The following CIB4 variants were observed in gnomAD, a reference collection of about 807,000 sequenced individuals.
CIB4 encodes calcium and integrin binding family member 4, also known as calcium and integrin-binding family member 4.
Under a neutral mutation model 25.8 loss-of-function variants are expected in CIB4, and 25 were observed. That is an observed-to-expected ratio of 0.97 (90% CI 0.71 to 1.35). CIB4 has a LOEUF of 1.35. Ranked by LOEUF, CIB4 falls within the 40% of genes most tolerant of loss-of-function variation. The pLI, the probability that CIB4 is intolerant of heterozygous loss-of-function variation, is 0.00. For synonymous variants in CIB4, 75 were observed against 81.4 expected, an observed-to-expected ratio of 0.92 and a Z score of 0.42; for missense variants, 235 against 228.2, an observed-to-expected ratio of 1.03 and a Z score of -0.19.
chr2:26,601,298 G>T (rs2148202721), intron 3 of CIB4, among the ~76,000 whole-genome samples: 1 of 143,812 alleles, frequency 7.0e-6, no homozygotes, highest in South Asian at 2.2e-4. Context: ...AATTAATGTG[G>T]TATGGTATTT....
intron 2 of CIB4, among the ~76,000 whole-genome samples, chr2:26,636,594 T>C (rs1669536872): frequency 6.6e-6 from 1 of 152,196 alleles, no homozygotes; most frequent in African/African-American, 2.4e-5. Flanking sequence ...TTGAAAGCCT[T>C]TGTTTCCCCG....
chr2:26,583,180 C>A (rs1408439039), intron 5 of CIB4, among the ~76,000 whole-genome samples: 2 of 152,218 alleles, frequency 1.3e-5, no homozygotes, highest in African/African-American at 4.8e-5. Context: ...CCCCACCAAC[C>A]AGTACACACA....
intron 3 of CIB4, among the ~76,000 whole-genome samples, chr2:26,612,895 T>C (rs1380639416): frequency 2.0e-5 from 3 of 151,920 alleles, no homozygotes; most frequent in Non-Finnish European, 4.4e-5. Context: ...ATAACTTATC[T>C]CCCATCTCTG....
At chr2:26,593,349 T>TATATAC (rs1399147725) in intron 4 of CIB4, among the ~76,000 whole-genome samples, 1 of 151,730 alleles carries the variant, frequency 6.6e-6, no homozygotes, top group African/African-American at 2.4e-5. Context: ...TATATATACA[T>TATATAC]ATATACATAT....
At chr2:26,584,731 C>G (rs1301987403) in intron 4 of CIB4, among the ~76,000 whole-genome samples, 1 of 152,220 alleles carries the variant, frequency 6.6e-6, no homozygotes, top group African/African-American at 2.4e-5. Flanking sequence ...CATTTCACAT[C>G]CCCCTGTAAA....
intron 3 of CIB4, among the ~76,000 whole-genome samples, chr2:26,603,730 G>A (rs1025473909): frequency 2.6e-5 from 4 of 152,190 alleles, no homozygotes; most frequent in African/African-American, 9.6e-5. Context: ...ACAGACCCAT[G>A]CTTATGCCTG....
intron 3 of CIB4, among the ~76,000 whole-genome samples, chr2:26,616,324 C>A (rs890128248): frequency 6.6e-6 from 1 of 152,156 alleles, no homozygotes; most frequent in Admixed American, 6.5e-5. Context: ...GTCGCCAACT[C>A]CTAGGGTGCT....
intron 4 of CIB4, among the ~76,000 whole-genome samples, chr2:26,592,069 A>G (rs1668595810): frequency 6.6e-6 from 1 of 152,262 alleles, no homozygotes; most frequent in African/African-American, 2.4e-5. Context: ...AATGTATGTA[A>G]TCTAAAGCCT....
At position 26,589,084 on chromosome 2, in the gene CIB4, T is replaced by TTCCTCTTCC. The variant is rs1668527009; in HGVS notation, c.329-5187_329-5186insGGAAGAGGA. ...CCTCTTCCTCTTCCTCTTCTTCTTC[T>TTCCTCTTCC]TCTTCTTCTTCTTCTTCTTCTTCCT... is the stretch of plus-strand genomic sequence containing the variant. On this transcript the variant is annotated intron_variant, in intron 4 of 6. Transcript: ENST00000288861. 1.5e-4 allele frequency among the ~76,000 whole-genome samples: 14 copies of TTCCTCTTCC among 91,632 alleles called. 2 individuals are homozygous for TTCCTCTTCC. The highest frequency in any genetic ancestry group is 7.9e-4 in the African/African-American group (13 of 16,394). The allele number at this position is 91,632 out of a possible 152,430, so 60.1% of individuals were successfully genotyped here.
intron 3 of CIB4, among the ~76,000 whole-genome samples, chr2:26,601,756 C>A (rs1558561385): frequency 6.6e-6 from 1 of 152,056 alleles, no homozygotes. Flanking sequence ...GGTACTTCCA[C>A]AGGTGAATGG....
intron 4 of CIB4, among the ~76,000 whole-genome samples, chr2:26,594,227 A>G (rs1350277659): frequency 3.3e-5 from 5 of 152,192 alleles, no homozygotes; most frequent in East Asian, 1.9e-4. Context: ...GGAGTGACCT[A>G]TGATAGGAGT....
chr2:26,626,694 C>T (rs534521195), intron 3 of CIB4, among the ~76,000 whole-genome samples: 49 of 152,174 alleles, frequency 3.2e-4, no homozygotes, highest in African/African-American at 5.5e-4. Flanking sequence ...TGAGCAAGTT[C>T]GGGGGGAAGA....
rs147533010 is a variant in CIB4 at position 26,618,590 on chromosome 2, G to A, written c.186+10820C>T. 7.0e-4 allele frequency among the ~76,000 whole-genome samples: 106 copies of A among 152,194 alleles called. 2 individuals carry two copies. The East Asian group carries it at 0.015, about 21-fold the overall frequency. On this transcript the variant is annotated intron_variant, in intron 3 of 6. Coordinates refer to ENST00000288861, the MANE Select transcript of CIB4 (RefSeq NM_001029881.3). ...AGTGGGATTGCAGGCATGGGCCACC[G>A]CACCCAGTCAAGACTGTCATTTTTA...
chr2:26,602,775 G>A (rs753779735), intron 3 of CIB4, among the ~76,000 whole-genome samples: 1 of 152,150 alleles, frequency 6.6e-6, no homozygotes, highest in African/African-American at 2.4e-5. Flanking sequence ...GAGAAGGGCG[G>A]TTCAGGCCAG....
At chr2:26,628,624 A>G (rs558984473) in intron 3 of CIB4, among the ~76,000 whole-genome samples, 1 of 152,258 alleles carries the variant, frequency 6.6e-6, no homozygotes, top group South Asian at 2.1e-4. Flanking sequence ...AGTTGAGGAG[A>G]GAGAGGATTG....
intron 3 of CIB4, among the ~76,000 whole-genome samples, chr2:26,614,482 T>G (rs555405262): frequency 1.3e-5 from 2 of 152,298 alleles, no homozygotes; most frequent in East Asian, 1.9e-4. Context: ...AGGCTCCTCC[T>G]CTGGAAAGGA....
intron 3 of CIB4, among the ~76,000 whole-genome samples, chr2:26,617,425 A>C (rs1558567941): frequency 6.6e-6 from 1 of 152,144 alleles, no homozygotes; most frequent in Non-Finnish European, 1.5e-5. Context: ...TGTGGCCTTG[A>C]GTAGGGCTTT....
chr2:26,594,961 C>T (rs1470412139), intron 4 of CIB4, among the ~76,000 whole-genome samples: 4 of 152,114 alleles, frequency 2.6e-5, no homozygotes, highest in Non-Finnish European at 4.4e-5. Flanking sequence ...CCCCATTGCC[C>T]TCTGATGACA....
intron 3 of CIB4, among the ~76,000 whole-genome samples, chr2:26,598,828 G>A (rs530535170): frequency 3.7e-4 from 57 of 152,258 alleles, no homozygotes; most frequent in African/African-American, 1.3e-3. Flanking sequence ...AGAGTTTCTA[G>A]GGGCCCTGGT....
Sources: gnomAD v4.1 joint callset for allele counts (sites outside exome capture counted in the v4.1 genomes callset) on GRCh38, gnomAD v4.1.1 for gene constraint, MANE v1.5 for transcripts, NCBI Gene and HGNC (gene_info 2026-07-23, HGNC 2026-07-21) for gene names.